The following SYDE2 variants were observed in gnomAD, a reference collection of about 807,000 sequenced individuals.
SYDE2 encodes rho GTPase-activating protein SYDE2.
SYDE2 carries 76 observed loss-of-function variants against 91.5 expected under a neutral mutation model. That is an observed-to-expected ratio of 0.83 (90% confidence interval 0.69 to 1.01). SYDE2 has a LOEUF of 1.01. Among genes scored for constraint, SYDE2 ranks in the 50% least tolerant of loss-of-function variants. The pLI, the probability that SYDE2 is intolerant of heterozygous loss-of-function variation, is 0.00. For missense variants in SYDE2, 1,364 were observed against 1,367.7 expected (o/e 1.00, Z 0.04); for synonymous variants, 513 against 506.4 (o/e 1.01, Z -0.18).
At chr1:85,177,699 G>C (rs1049708259) in intron 4 of SYDE2, among the ~76,000 whole-genome samples, 3 of 152,020 alleles carry the variant, frequency 2.0e-5, no homozygotes, top group African/African-American at 7.2e-5. Context: ...CCATCACATA[G>C]AGTTGCCAGA....
At chr1:85,167,813 C>T (rs1362940916) in intron 5 of SYDE2, among the ~76,000 whole-genome samples, 1 of 152,112 alleles carries the variant, frequency 6.6e-6, no homozygotes, top group East Asian at 1.9e-4. Context: ...TTATAAGTGG[C>T]ACTTATAATT....
At chr1:85,196,594 C>G (rs1208839621) in intron 1 of SYDE2, among the ~76,000 whole-genome samples, 2 of 150,584 alleles carry the variant, frequency 1.3e-5, no homozygotes, top group Non-Finnish European at 3.0e-5. Context: ...CCATGACACT[C>G]TTCCAGAAAA....
chr1:85,160,893 T>C lies in SYDE2; in HGVS notation c.3086-1644A>G, dbSNP rs1046240841. 8 of 985,312 alleles carry C rather than the reference T, an allele frequency of 8.1e-6. No homozygotes were observed. The Admixed American group carries it at 2.5e-4, about 30-fold the overall frequency. 61.0% of individuals were successfully genotyped at this position (985,312 alleles called of 1,614,324 possible). A position where few individuals can be genotyped will look rare whatever the true frequency, so the allele number is the denominator to read the frequency against. On this transcript the variant is annotated intron_variant, in intron 6 of 6. Transcript: ENST00000341460. The stretch of plus-strand genomic sequence containing the variant: ...GCTTAGAGTTACTCACCTAAGACCC[T>C]ACTGAAACATTGTTTCTGTGTATTA...
At position 85,178,135 on chromosome 1, in the gene SYDE2, CTATT is replaced by C; in HGVS notation, c.2671+7_2671+10del. On this transcript the variant is annotated splice_region_variant and intron_variant, in intron 4 of 6. Coordinates refer to ENST00000341460, the MANE Select transcript of SYDE2 (RefSeq NM_032184.2). Reference sequence around the variant, plus strand: ...CCAGAAAGAGTACATAAAATAAAATCTATTTATTACCTGTTATTACATTTATATC... The same window carrying C: ...CCAGAAAGAGTACATAAAATAAAATCTATTACCTGTTATTACATTTATATC... 6.5e-7 allele frequency: 1 copy of C among 1,547,216 alleles called. No homozygotes were observed.
At chr1:85,162,998 T>A (rs1009199393) in intron 6 of SYDE2, among the ~76,000 whole-genome samples, 1 of 152,206 alleles carries the variant, frequency 6.6e-6, no homozygotes, top group African/African-American at 2.4e-5. Flanking sequence ...TTCAGGGTTT[T>A]AAAATAGTTA....
At chr1:85,170,505 A>G (rs1657463048) in intron 4 of SYDE2, among the ~76,000 whole-genome samples, 1 of 152,198 alleles carries the variant, frequency 6.6e-6, no homozygotes, top group African/African-American at 2.4e-5. Context: ...GAGTATCCTT[A>G]GTTTAAAAAT....
chr1:85,174,788 G>C (rs893995162), intron 4 of SYDE2, among the ~76,000 whole-genome samples: 4 of 152,048 alleles, frequency 2.6e-5, no homozygotes, highest in African/African-American at 9.7e-5. Flanking sequence ...AGCATTCCTT[G>C]GTGCTTGCAC....
Position 85,164,656 on chromosome 1 carries a change from T to C in SYDE2, c.2955A>G (p.Val985=), listed in dbSNP as rs1657199024. The C allele has an allele frequency of 6.3e-7, 1 of 1,583,610 alleles. No individual in the cohort carries two copies. The highest frequency in any genetic ancestry group is 1.2e-5 in the South Asian group (1 of 85,872). ...CQNLAVCFGP[V]LLSQRQEPST... ...AAGGCTCTTGCCTCTGACTTAATAATACTGGTCCAAAGCACACAGCCAAAT... is the reference window on the plus strand; with the variant it reads ...AAGGCTCTTGCCTCTGACTTAATAACACTGGTCCAAAGCACACAGCCAAAT... The change falls in exon 6 of 7, where the codon GTA becomes GTG. Residue 985 remains valine, a synonymous_variant. Transcript: ENST00000341460.
chr1:85,182,844 AG>A lies in SYDE2; in HGVS notation c.1797del (p.Ser600ProfsTer11). ...ISRYHLDTSVSSQQSYQKKNS... is the reference protein window; with the variant it reads ...ISRYHLDTSVXSQQSYQKKNS... ...TTTTTCTTCTGGTAGCTCTGCTGGG[AG>A]GATACACTGGTATCAAGATGGTATC... On this transcript the variant is annotated frameshift_variant, in exon 3 of 7. Coordinates refer to ENST00000341460, the MANE Select transcript of SYDE2 (RefSeq NM_032184.2). LOFTEE classifies it high-confidence loss of function. The A allele has an allele frequency of 6.2e-7, 1 of 1,613,846 alleles. No homozygotes were observed. Among genetic ancestry groups the A allele is most frequent in the Non-Finnish European group, 8.5e-7 (1 of 1,179,816 alleles).
Position 85,164,758 on chromosome 1 carries a change from CTAAAT to C in SYDE2, c.2854-6_2854-2del, listed in dbSNP as rs1657202874. 3.7e-6 allele frequency: 5 copies of C among 1,333,978 alleles called. No homozygotes were observed. The highest frequency in any genetic ancestry group is 4.8e-6 in the Non-Finnish European group (5 of 1,036,998). 82.6% of individuals were successfully genotyped at this position (1,333,978 alleles called of 1,614,324 possible). A position where few individuals can be genotyped will look rare whatever the true frequency, so the allele number is the denominator to read the frequency against. On this transcript the variant is annotated splice_acceptor_variant and splice_polypyrimidine_tract_variant and intron_variant, in intron 5 of 6. Coordinates refer to ENST00000341460, the MANE Select transcript of SYDE2 (RefSeq NM_032184.2). LOFTEE classifies it high-confidence loss of function. ...GATCCAACAACATCTTTAGGGTTGC[CTAAAT>C]TAAATTAAATTTCAATTAATATAGT...
rs200243711 is a variant in SYDE2 at position 85,182,316 on chromosome 1, G to C, written c.2326C>G (p.His776Asp). 3.2e-5 allele frequency: 52 copies of C among 1,613,800 alleles called. No homozygotes were observed. The highest frequency in any genetic ancestry group is 3.9e-5 in the Non-Finnish European group (46 of 1,179,824). ...GGTTCAAGTTTGACAGCCAACTGAT[G>C]AGTCTTTGTCACTCTAAATAAGGTG... is the stretch of plus-strand genomic sequence containing the variant. ...LPTLFRVTKT[H>D]QLAVKLEPRG... Residue 776 changes from histidine to aspartate, a missense_variant, in exon 3 of 7, where the codon CAT (histidine) becomes GAT (aspartate). His to Asp is a moderately conservative substitution (Grantham distance 81). Coordinates refer to ENST00000341460, the MANE Select transcript of SYDE2 (RefSeq NM_032184.2).
Position 85,200,633 on chromosome 1 carries a change from G to T in SYDE2, c.364C>A (p.Arg122Ser), listed in dbSNP as rs776007964. 3.9e-6 allele frequency: 6 copies of T among 1,546,028 alleles called. No homozygotes were observed. The highest frequency in any genetic ancestry group is 4.3e-6 in the Non-Finnish European group (5 of 1,151,142). ...AHRDWDEPPP[R>S]GGRMDGWSGD... ...CTCCAGCCGTCCATCCTGCCTCCACGTGGCGGGGGCTCGTCCCAGTCCCGG... is the reference window on the plus strand; with the variant it reads ...CTCCAGCCGTCCATCCTGCCTCCACTTGGCGGGGGCTCGTCCCAGTCCCGG... Residue 122 changes from arginine to serine, a missense_variant, in exon 1 of 7, where the codon CGT becomes AGT. Transcript: ENST00000341460.
rs747117906 is a variant in SYDE2 at position 85,183,010 on chromosome 1, G to A, written c.1632C>T (p.Ser544=). The A allele has an allele frequency of 8.1e-6, 13 of 1,613,056 alleles. No individual in the cohort carries two copies. The highest frequency in any genetic ancestry group is 5.0e-5 in the Admixed American group (3 of 59,880). ...TTATATAATTCAATGTTCCCTTAAC[G>A]CTTAGCTTTCGGCTAAATTCTGGCA... ...KKLPEFSRKL[S]VKGTLNYINS... is the part of the protein sequence containing the mutation. Residue 544 remains serine (S), a synonymous_variant, in exon 3 of 7, where the codon AGC becomes AGT. Coordinates refer to ENST00000341460, the MANE Select transcript of SYDE2 (RefSeq NM_032184.2).
At chr1:85,173,727 G>A (rs1657586401) in intron 4 of SYDE2, among the ~76,000 whole-genome samples, 1 of 152,172 alleles carries the variant, frequency 6.6e-6, no homozygotes, top group Non-Finnish European at 1.5e-5. Context: ...TATAAAGGAG[G>A]AGGCAAATAT....
At chr1:85,179,069 G>A (rs1347588484) in intron 3 of SYDE2, among the ~76,000 whole-genome samples, 6 of 152,028 alleles carry the variant, frequency 3.9e-5, no homozygotes, top group East Asian at 1.9e-4. Flanking sequence ...GAGAAAACAC[G>A]CCTGATTAAG....
At chr1:85,193,325 C>T (rs562600790) in intron 1 of SYDE2, among the ~76,000 whole-genome samples, 3 of 152,248 alleles carry the variant, frequency 2.0e-5, no homozygotes, top group Non-Finnish European at 4.4e-5. Flanking sequence ...ATAGTTTGAC[C>T]CAATTTAAAT....
intron 3 of SYDE2, among the ~76,000 whole-genome samples, chr1:85,178,623 C>G (rs771037698): frequency 6.6e-6 from 1 of 152,142 alleles, no homozygotes; most frequent in Admixed American, 6.5e-5. Flanking sequence ...TAGTACAGCA[C>G]AGACACTGAA....
intron 2 of SYDE2, among the ~76,000 whole-genome samples, chr1:85,185,629 GT>G (rs1288263545): frequency 6.6e-6 from 1 of 152,198 alleles, no homozygotes; most frequent in Non-Finnish European, 1.5e-5. Flanking sequence ...AAGAATGCTT[GT>G]GATTCTGTAC....
chr1:85,155,824 GA>G (rs1190912618), downstream of SYDE2, among the ~76,000 whole-genome samples: 1 of 152,088 alleles, frequency 6.6e-6, no homozygotes, highest in Non-Finnish European at 1.5e-5. Context: ...AGTATAAAGG[GA>G]AAACTATACA....
Sources: allele counts gnomAD v4.1 joint callset (sites outside exome capture counted in the v4.1 genomes callset), GRCh38; gene constraint gnomAD v4.1.1; transcripts MANE v1.5; gene names NCBI Gene and HGNC (gene_info 2026-07-23, HGNC 2026-07-21).